HYCC1: variants seen among roughly 807,000 people sequenced by gnomAD.
HYCC1 encodes hyccin.
the HYCC1 span, among the ~76,000 whole-genome samples, chr7:22,995,284 C>T: frequency 2.0e-3 from 311 of 152,232 alleles, 3 homozygotes; most frequent in African/African-American, 7.1e-3. Flanking sequence ...CCCTCCCCTT[C>T]ATTTCTGGAT....
the HYCC1 span, among the ~76,000 whole-genome samples, chr7:22,977,096 C>CA: frequency 7.1e-6 from 1 of 140,396 alleles, no homozygotes; most frequent in African/African-American, 2.6e-5. Flanking sequence ...AGCCATCCAT[C>CA]AGGAAGAGGG....
At chr7:22,961,223 T>A in the HYCC1 span, 3 of 1,534,376 alleles carry the variant, frequency 2.0e-6, no homozygotes, top group Non-Finnish European at 9.0e-7. Flanking sequence ...CATAAATAAG[T>A]CAGGCACCTA....
the HYCC1 span, among the ~76,000 whole-genome samples, chr7:23,009,727 C>A: frequency 6.6e-6 from 1 of 152,078 alleles, no homozygotes; most frequent in East Asian, 1.9e-4. Flanking sequence ...CCTTTGAGAA[C>A]TTCTAGTCAC....
At chr7:22,937,489 A>T in the HYCC1 span, 1 of 152,208 alleles carries the variant, frequency 6.6e-6, no homozygotes, top group Non-Finnish European at 1.5e-5. Context: ...ATGATGCATA[A>T]TTTACTTCTC....
chr7:22,981,767 A>C, the HYCC1 span, among the ~76,000 whole-genome samples: 6 of 152,334 alleles, frequency 3.9e-5, no homozygotes, highest in East Asian at 1.2e-3. Flanking sequence ...GATTTATCAG[A>C]GTATACATCA....
the HYCC1 span, among the ~76,000 whole-genome samples, chr7:23,000,695 T>C: frequency 6.6e-6 from 1 of 152,116 alleles, no homozygotes; most frequent in Non-Finnish European, 1.5e-5. Context: ...TGACATGTTT[T>C]TGCCAGTGGA....
the HYCC1 span, among the ~76,000 whole-genome samples, chr7:23,007,495 A>C: frequency 6.6e-6 from 1 of 152,282 alleles, no homozygotes; most frequent in South Asian, 2.1e-4. Context: ...AGATCTTTAT[A>C]ATTGTATTCA....
chr7:22,954,031 TG>T, the HYCC1 span, among the ~76,000 whole-genome samples: 2 of 151,766 alleles, frequency 1.3e-5, no homozygotes, highest in African/African-American at 4.8e-5. Flanking sequence ...TTTACTACTT[TG>T]GGGTTTAAAA....
chr7:23,011,026 G>C, the HYCC1 span, among the ~76,000 whole-genome samples: 1 of 152,068 alleles, frequency 6.6e-6, no homozygotes, highest in Non-Finnish European at 1.5e-5. Context: ...GTGGTCACTG[G>C]GGCCCTCTCC....
At chr7:23,009,146 A>G in the HYCC1 span, among the ~76,000 whole-genome samples, 1 of 152,136 alleles carries the variant, frequency 6.6e-6, no homozygotes, top group African/African-American at 2.4e-5. Flanking sequence ...AATCTCCAGT[A>G]TTATAATAGA....
the HYCC1 span, among the ~76,000 whole-genome samples, chr7:22,930,393 G>GAAAAAAAAAAA: frequency 9.9e-6 from 1 of 101,134 alleles, no homozygotes. Flanking sequence ...AAAAGAAAAA[G>GAAAAAAAAAAA]AAAAAAAAAA....
At chr7:22,960,016 TA>T in the HYCC1 span, among the ~76,000 whole-genome samples, 1 of 152,186 alleles carries the variant, frequency 6.6e-6, no homozygotes, top group Admixed American at 6.5e-5. Flanking sequence ...CCTACTGAAG[TA>T]ACAATTTCAA....
the HYCC1 span, among the ~76,000 whole-genome samples, chr7:23,013,146 G>A: frequency 1.8e-4 from 28 of 152,194 alleles, no homozygotes; most frequent in Non-Finnish European, 3.4e-4. Flanking sequence ...GCAAATTTCG[G>A]GGAAGCGTAC....
the HYCC1 span, among the ~76,000 whole-genome samples, chr7:22,987,797 C>T: frequency 6.6e-6 from 1 of 151,962 alleles, no homozygotes; most frequent in Admixed American, 6.6e-5. Flanking sequence ...ATAAAACCAG[C>T]TTGGGGAGAA....
the HYCC1 span, among the ~76,000 whole-genome samples, chr7:23,008,579 A>G: frequency 1.3e-5 from 2 of 152,088 alleles, no homozygotes; most frequent in Non-Finnish European, 2.9e-5. Context: ...ATGTTTTGAC[A>G]AAGACAATAA....
chr7:22,941,640 A>C, the HYCC1 span: 1 of 152,180 alleles, frequency 6.6e-6, no homozygotes, highest in African/African-American at 2.4e-5. Context: ...TACTATAAAA[A>C]AACACAAAAA....
chr7:22,903,061 G>A, the HYCC1 span, among the ~76,000 whole-genome samples: 2 of 152,262 alleles, frequency 1.3e-5, no homozygotes, highest in East Asian at 3.9e-4. Context: ...AAAAAAGGCA[G>A]TGTTGATAAA....
At chr7:22,925,968 A>C in the HYCC1 span, among the ~76,000 whole-genome samples, 62 of 152,344 alleles carry the variant, frequency 4.1e-4, no homozygotes, top group African/African-American at 1.5e-3. Flanking sequence ...AGCCCATCAG[A>C]CTAACAGCTG....
At chr7:22,982,793 C>T in the HYCC1 span, among the ~76,000 whole-genome samples, 1 of 152,030 alleles carries the variant, frequency 6.6e-6, no homozygotes, top group Non-Finnish European at 1.5e-5. Context: ...AAAGTCTAAA[C>T]TGCTTAAGAT....
Sources: gnomAD v4.1 joint callset for allele counts (sites outside exome capture counted in the v4.1 genomes callset) on GRCh38, gnomAD v4.1.1 for gene constraint, MANE v1.5 for transcripts, NCBI Gene and HGNC (gene_info 2026-07-23, HGNC 2026-07-21) for gene names.